Variants in DDX3X observed in about 807,000 individuals in gnomAD.
DDX3X encodes the protein ATP-dependent RNA helicase DDX3X.
In DDX3X, 4 loss-of-function variants were observed where a neutral mutation model predicts 52.7. The observed-to-expected ratio is 0.08, with a 90% CI of 0.04 to 0.17. DDX3X has a LOEUF of 0.17. DDX3X is among the 10% of genes least tolerant of loss of function. The probability of loss-of-function intolerance (pLI) is 1.00; values close to 1 mark genes in which losing one functional copy is unlikely to be tolerated. For synonymous variants in DDX3X, 192 were observed against 178.1 expected (o/e 1.08, Z -0.62); for missense variants, 222 against 548.6 (o/e 0.40, Z 5.95).
At chrX:41,337,722 C>T (rs2063792242) in intron 2 of DDX3X, 2 of 240,873 alleles carry the variant, frequency 8.3e-6, no homozygotes, top group Non-Finnish European at 1.5e-5. Context: ...CTCGGCTCAC[C>T]GCAGTCTCTG....
At chrX:41,334,438 G>C (rs2063725297) in intron 1 of DDX3X, 141 bp downstream of exon 1, 1 of 1,120,556 alleles carries the variant, frequency 8.9e-7, no homozygotes, top group African/African-American at 1.8e-5. Context: ...GTGCCCCGGG[G>C]CTATAGAGGG....
rs1297117728 is a variant in DDX3X at position 41,334,200 on chromosome X, A to T, written c.-53A>T. 19 of 1,162,559 alleles carry T rather than the reference A, an allele frequency of 1.6e-5. No individual in the cohort carries two copies. The highest frequency in any genetic ancestry group is 2.2e-5 in the Non-Finnish European group (19 of 857,896). On this transcript the variant is annotated 5_prime_UTR_variant, in exon 1 of 17. Coordinates refer to ENST00000644876, the MANE Select transcript of DDX3X (RefSeq NM_001356.5). ...TCCCGTGAGAGGGCCTTCGCGGTGGAACAAACACTCGCTTAGCAGCGGAAG... is the reference window on the plus strand; with the variant it reads ...TCCCGTGAGAGGGCCTTCGCGGTGGTACAAACACTCGCTTAGCAGCGGAAG...
rs998833215 is a variant in DDX3X at position 41,348,178 on chromosome X, C to G, written c.*459C>G. 2 of 239,152 alleles carry G rather than the reference C, an allele frequency of 8.4e-6. No homozygotes were observed. Among genetic ancestry groups the G allele is most frequent in the African/African-American group, 2.8e-5 (1 of 35,714 alleles). 19.7% of individuals were successfully genotyped at this position (239,152 alleles called of 1,213,427 possible). ...TGTGATACAACTTAACAGGAATCAT[C>G]GATTCATCCATAAATAATATAAGGA... On this transcript the variant is annotated 3_prime_UTR_variant, in exon 17 of 17. Transcript: ENST00000644876.
chrX:41,359,607 A>AC (rs2064021124), intron 5 of DDX3X, among the ~76,000 whole-genome samples: 1 of 106,744 alleles, frequency 9.4e-6, no homozygotes, highest in Non-Finnish European at 1.9e-5. Context: ...AAAAAAAAAA[A>AC]AAAAAAAAGT....
chrX:41,356,966 C>T (rs2147371326), intron 5 of DDX3X, among the ~76,000 whole-genome samples: 1 of 81,855 alleles, frequency 1.2e-5, no homozygotes, highest in South Asian at 6.8e-4. Context: ...CGGAGTCTTG[C>T]TCTGTCACCC....
chrX:41,347,955 C>T lies in DDX3X; in HGVS notation c.*236C>T. The T allele has an allele frequency of 2.8e-6, 1 of 358,660 alleles. No individual in the cohort carries two copies. Among genetic ancestry groups the T allele is most frequent in the Non-Finnish European group, 4.8e-6 (1 of 209,546 alleles). The allele number at this position is 358,660 out of a possible 1,213,427, so 29.6% of individuals were successfully genotyped here. A position where few individuals can be genotyped will look rare whatever the true frequency, so the allele number is the denominator to read the frequency against. The stretch of plus-strand genomic sequence containing the variant: ...TCATTGCTGTAGTTTGGATTAACTC[C>T]CCTCCCGCCTACCCCCATCCCAAAC... On this transcript the variant is annotated 3_prime_UTR_variant, in exon 17 of 17. Transcript: ENST00000644876.
downstream of DDX3X, among the ~76,000 whole-genome samples, chrX:41,352,404 T>C (rs2063992518): frequency 9.0e-6 from 1 of 111,705 alleles, no homozygotes; most frequent in South Asian, 3.7e-4. Context: ...CTCCATTCAC[T>C]TCCTTTTCCA....
At chrX:41,346,758 C>T (rs1216988028) in intron 14 of DDX3X, 101 bp from the exon 15 acceptor site, 8 of 955,747 alleles carry the variant, frequency 8.4e-6, no homozygotes, top group African/African-American at 5.9e-5. Flanking sequence ...TTAAATATTA[C>T]GTGGTAATAT....
In DDX3X at chrX:41,348,771, G is replaced by C. The variant is rs1395739193; in HGVS notation, c.*1052G>C. On this transcript the variant is annotated 3_prime_UTR_variant, in exon 17 of 17. Transcript: ENST00000644876. The stretch of plus-strand genomic sequence containing the variant: ...AAATGCAGCAGGCTTTATTTTAAAT[G>C]CCGATTCACATTACTCTGTTCAAGC... 2.7e-5 allele frequency: 3 copies of C among 112,100 alleles called. No individual in the cohort carries two copies. The highest frequency in any genetic ancestry group is 5.6e-5 in the Non-Finnish European group (3 of 53,176). 9.2% of individuals were successfully genotyped at this position (112,100 alleles called of 1,213,427 possible). A position where few individuals can be genotyped will look rare whatever the true frequency, so the allele number is the denominator to read the frequency against.
chrX:41,357,568 T>C (rs1457993906), intron 5 of DDX3X, among the ~76,000 whole-genome samples: 1 of 111,135 alleles, frequency 9.0e-6, no homozygotes, highest in Non-Finnish European at 1.9e-5. Flanking sequence ...TAGCTGGGAC[T>C]ACAGGCACAC....
chrX:41,346,437 C>A, intron 13 of DDX3X, 27 bp downstream of exon 13: 1 of 1,197,137 alleles, frequency 8.4e-7, no homozygotes. Flanking sequence ...TTCTTTTATT[C>A]AAATTGAGCA....
intron 10 of DDX3X, 126 bp from the exon 11 acceptor site, chrX:41,345,054 T>G: frequency 1.5e-6 from 1 of 663,518 alleles, no homozygotes; most frequent in Non-Finnish European, 2.3e-6. Flanking sequence ...GGCACCATCT[T>G]AATGAATATA....
At chrX:41,343,441 T>C (rs1242315638) in intron 7 of DDX3X, 90 bp downstream of exon 7, 1 of 862,867 alleles carries the variant, frequency 1.2e-6, no homozygotes, top group Admixed American at 4.1e-5. Context: ...TCATGCAGTT[T>C]TGCAGCTGCT....
chrX:41,339,121 G>A, intron 3 of DDX3X, 38 bp downstream of exon 3: 1 of 886,683 alleles, frequency 1.1e-6, no homozygotes. Flanking sequence ...TCTATTTTTT[G>A]CCTCCTTTAG....
At chrX:41,360,981 C>G (rs903153796) in intron 5 of DDX3X, among the ~76,000 whole-genome samples, 1 of 109,099 alleles carries the variant, frequency 9.2e-6, no homozygotes, top group African/African-American at 3.3e-5. Context: ...TGGGCTCAAG[C>G]AATCCTCCCA....
chrX:41,341,216 C>A (rs1301184675), intron 3 of DDX3X: 1 of 246,151 alleles, frequency 4.1e-6, no homozygotes, highest in African/African-American at 2.8e-5. Flanking sequence ...AACTCCTGAC[C>A]TCAGGTGACC....
intron 3 of DDX3X, 159 bp from the exon 4 acceptor site, chrX:41,341,324 CT>C: frequency 2.4e-6 from 1 of 422,436 alleles, no homozygotes; most frequent in Non-Finnish European, 3.9e-6. Flanking sequence ...TAAAGAAAAA[CT>C]TTGTCCGGGT....
At chrX:41,342,406 T>C (rs986826324) in intron 4 of DDX3X, 89 bp from the exon 5 acceptor site, 2 of 1,038,488 alleles carry the variant, frequency 1.9e-6, no homozygotes, top group Non-Finnish European at 2.7e-6. Context: ...TAGCCATAAC[T>C]TAAGTCTCCA....
intron 5 of DDX3X, chrX:41,357,862 C>A: frequency 3.4e-6 from 1 of 296,579 alleles, no homozygotes; most frequent in Non-Finnish European, 5.9e-6. Context: ...GCAAGTGCCT[C>A]CATGAAATGC....
Sources: allele counts gnomAD v4.1 joint callset (sites outside exome capture counted in the v4.1 genomes callset), GRCh38; gene constraint gnomAD v4.1.1; transcripts MANE v1.5; gene names NCBI Gene and HGNC (gene_info 2026-07-23, HGNC 2026-07-21).